ZC3H12B: variants seen among roughly 807,000 people sequenced by gnomAD.
The protein encoded by ZC3H12B is probable ribonuclease ZC3H12B.
ZC3H12B carries 7 observed loss-of-function variants against 43.9 expected under a neutral mutation model. The observed-to-expected ratio is 0.16, with a 90% confidence interval of 0.09 to 0.30. The LOEUF (loss-of-function observed/expected upper bound fraction) is 0.30. Ranked by LOEUF, ZC3H12B falls within the 10% of genes least tolerant of loss-of-function variation. ZC3H12B has a pLI of 1.00. For synonymous variants in ZC3H12B, 222 were observed against 241.7 expected (o/e 0.92, Z 0.76); for missense variants, 475 against 670.2 (o/e 0.71, Z 3.22).
intron 3 of ZC3H12B, among the ~76,000 whole-genome samples, chrX:65,447,821 C>CA (rs1300485006): frequency 1.8e-5 from 2 of 110,846 alleles, no homozygotes; most frequent in East Asian, 5.6e-4. Flanking sequence ...TACAAATGGC[C>CA]AAAAAACATA....
At chrX:65,323,920 T>C in the ZC3H12B span, among the ~76,000 whole-genome samples, 1 of 112,552 alleles carries the variant, frequency 8.9e-6, no homozygotes, top group Non-Finnish European at 1.9e-5. Flanking sequence ...ATTGTGGTTT[T>C]GATTTGCATT....
chrX:65,313,440 C>T, the ZC3H12B span, among the ~76,000 whole-genome samples: 4 of 112,122 alleles, frequency 3.6e-5, no homozygotes, highest in Non-Finnish European at 7.5e-5. Context: ...CCCTATACAA[C>T]TTCAGATTCA....
chrX:65,299,452 C>T, the ZC3H12B span, among the ~76,000 whole-genome samples: 1 of 111,624 alleles, frequency 9.0e-6, no homozygotes, highest in Admixed American at 9.6e-5. Context: ...GGTATTTATT[C>T]CAGGCATGCA....
At chrX:65,385,611 C>G (rs751786021) in intron 2 of ZC3H12B, among the ~76,000 whole-genome samples, 2 of 111,884 alleles carry the variant, frequency 1.8e-5, no homozygotes, top group Non-Finnish European at 3.8e-5. Context: ...ATTTGACTTC[C>G]TCTTTTCCTA....
the ZC3H12B span, among the ~76,000 whole-genome samples, chrX:65,265,666 A>T: frequency 8.9e-6 from 1 of 111,853 alleles, no homozygotes; most frequent in Admixed American, 9.5e-5. Flanking sequence ...AGTCCTAATC[A>T]ATTTATTTTA....
At chrX:65,418,472 T>C (rs193205730) in intron 3 of ZC3H12B, among the ~76,000 whole-genome samples, 59 of 111,585 alleles carry the variant, frequency 5.3e-4, no homozygotes, top group African/African-American at 1.9e-3. Flanking sequence ...AACTGAATGG[T>C]AAAACCTAAA....
the ZC3H12B span, among the ~76,000 whole-genome samples, chrX:65,287,416 T>A: frequency 9.0e-6 from 1 of 111,376 alleles, no homozygotes; most frequent in Non-Finnish European, 1.9e-5. Flanking sequence ...GGAAATTAAA[T>A]GTGCTTGAGT....
intron 3 of ZC3H12B, among the ~76,000 whole-genome samples, chrX:65,421,810 G>A (rs1039493074): frequency 1.8e-5 from 2 of 111,044 alleles, no homozygotes; most frequent in African/African-American, 3.3e-5. Flanking sequence ...TTAGCTGGGC[G>A]TGGTGGCGGG....
chrX:65,357,433 G>T, the ZC3H12B span: 128 of 158,455 alleles, frequency 8.1e-4, 3 homozygotes, highest in South Asian at 8.7e-3. Context: ...GGCACCCACT[G>T]CCCATGAGAG....
chrX:65,437,341 CAT>C (rs1370323733), intron 3 of ZC3H12B, among the ~76,000 whole-genome samples: 9 of 112,072 alleles, frequency 8.0e-5, no homozygotes, highest in African/African-American at 2.9e-4. Context: ...TTCTACCCTC[CAT>C]CTCCATGAAT....
the ZC3H12B span, among the ~76,000 whole-genome samples, chrX:65,170,793 A>G: frequency 3.6e-5 from 4 of 111,744 alleles, no homozygotes; most frequent in Admixed American, 1.9e-4. Flanking sequence ...TTGATCTTCA[A>G]TCACTGATAT....
At chrX:65,308,293 G>A in the ZC3H12B span, among the ~76,000 whole-genome samples, 4 of 110,394 alleles carry the variant, frequency 3.6e-5, no homozygotes, top group East Asian at 1.1e-3. Flanking sequence ...AGGGATGAAG[G>A]AAGATCTACC....
chrX:65,278,494 A>G, the ZC3H12B span, among the ~76,000 whole-genome samples: 2 of 111,868 alleles, frequency 1.8e-5, no homozygotes, highest in African/African-American at 3.2e-5. Context: ...TGCCTATGGA[A>G]TAGCCATTTT....
chrX:65,041,225 C>T, the ZC3H12B span, among the ~76,000 whole-genome samples: 2 of 111,890 alleles, frequency 1.8e-5, no homozygotes, highest in Admixed American at 9.5e-5. Context: ...CAGTGGGGTC[C>T]AAATTACAGT....
the ZC3H12B span, among the ~76,000 whole-genome samples, chrX:65,236,265 C>T: frequency 8.9e-6 from 1 of 111,751 alleles, no homozygotes; most frequent in South Asian, 3.8e-4. Flanking sequence ...TCCTGTCTGC[C>T]TCAGAATTTC....
the ZC3H12B span, among the ~76,000 whole-genome samples, chrX:65,100,233 A>G: frequency 9.0e-6 from 1 of 110,997 alleles, no homozygotes; most frequent in African/African-American, 3.3e-5. Flanking sequence ...ATATGGGACT[A>G]TGTGAAAAGA....
chrX:65,479,247 G>A (rs1471452650), intron 3 of ZC3H12B, among the ~76,000 whole-genome samples: 2 of 111,860 alleles, frequency 1.8e-5, no homozygotes, highest in Non-Finnish European at 3.8e-5. Context: ...AGGCCACCAT[G>A]TTTCCGGGAA....
chrX:65,427,465 A>G (rs1239727039), intron 3 of ZC3H12B, among the ~76,000 whole-genome samples: 2 of 110,838 alleles, frequency 1.8e-5, no homozygotes, highest in African/African-American at 3.3e-5. Context: ...AGTAGCTGGG[A>G]CTACAGGTGC....
chrX:65,420,249 A>T (rs1211928675), intron 3 of ZC3H12B, among the ~76,000 whole-genome samples: 2 of 111,350 alleles, frequency 1.8e-5, no homozygotes, highest in Non-Finnish European at 3.8e-5. Context: ...ACCACCCCTC[A>T]CAGACACAGG....
Sources: allele counts gnomAD v4.1 joint callset (sites outside exome capture counted in the v4.1 genomes callset), GRCh38; gene constraint gnomAD v4.1.1; transcripts MANE v1.5; gene names NCBI Gene and HGNC (gene_info 2026-07-23, HGNC 2026-07-21).